The following LARP1 variants were observed in gnomAD, a reference collection of about 807,000 sequenced individuals.
LARP1 encodes la-related protein 1.
Under a neutral mutation model 122.7 loss-of-function variants are expected in LARP1, and 36 were observed. That is an observed-to-expected ratio of 0.29 (90% CI 0.22 to 0.39). LARP1 has a LOEUF of 0.39. LARP1 is among the 10% of genes least tolerant of loss of function. The pLI is 1.00. For missense variants in LARP1, 1,040 were observed against 1,403.6 expected, an observed-to-expected ratio of 0.74 and a Z score of 4.14; for synonymous variants, 539 against 528.7, an observed-to-expected ratio of 1.02 and a Z score of -0.27.
chr5:154,706,719 G>A (rs1754969013), intron 1 of LARP1, among the ~76,000 whole-genome samples: 1 of 150,166 alleles, frequency 6.7e-6, no homozygotes, highest in African/African-American at 2.4e-5. Context: ...AATAAAAGTT[G>A]GAAAGTTGGA....
At chr5:154,788,174 A>T (rs577710660) in intron 1 of LARP1, among the ~76,000 whole-genome samples, 1 of 152,324 alleles carries the variant, frequency 6.6e-6, no homozygotes, top group African/African-American at 2.4e-5. Context: ...AGATTTTGTC[A>T]GGGGACTAGA....
At chr5:154,737,558 C>T (rs1220385603) in intron 1 of LARP1, among the ~76,000 whole-genome samples, 1 of 149,312 alleles carries the variant, frequency 6.7e-6, no homozygotes, top group African/African-American at 2.5e-5. Context: ...TCTCCTGTCT[C>T]AGTCTCCCGA....
At chr5:154,753,572 T>C (rs1268584566), upstream of LARP1, among the ~76,000 whole-genome samples, 1 of 152,264 alleles carries the variant, frequency 6.6e-6, no homozygotes, top group African/African-American at 2.4e-5. Flanking sequence ...GGTAGCTCTT[T>C]TGACGTACTG....
At chr5:154,775,329 C>T (rs1300776914) in intron 1 of LARP1, among the ~76,000 whole-genome samples, 1 of 152,038 alleles carries the variant, frequency 6.6e-6, no homozygotes, top group South Asian at 2.1e-4. Context: ...AAAACAAGAA[C>T]TTCAAATACA....
At chr5:154,701,131 T>TTTTG (rs936847334) in intron 1 of LARP1, among the ~76,000 whole-genome samples, 2 of 152,072 alleles carry the variant, frequency 1.3e-5, no homozygotes, top group Non-Finnish European at 2.9e-5. Context: ...TTCTTTTGTT[T>TTTTG]TTTGTTTGTT....
chr5:154,756,445 A>AT, intron 1 of LARP1: 1 of 991,766 alleles, frequency 1.0e-6, no homozygotes, highest in South Asian at 4.2e-5. Flanking sequence ...GTTAGTGGGC[A>AT]ACGGTGTGGT....
chr5:154,795,408 A>AG, intron 8 of LARP1, 89 bp downstream of exon 8: 1 of 1,355,006 alleles, frequency 7.4e-7, no homozygotes, highest in Non-Finnish European at 1.0e-6. Context: ...GCCCTGGAAG[A>AG]GTCATCATCT....
chr5:154,784,009 G>T (rs1387420577), intron 1 of LARP1, among the ~76,000 whole-genome samples: 1 of 152,210 alleles, frequency 6.6e-6, no homozygotes, highest in Non-Finnish European at 1.5e-5. Flanking sequence ...GGTTGCCTGT[G>T]AGTCAAAGCT....
intron 1 of LARP1, among the ~76,000 whole-genome samples, chr5:154,740,408 AAAAAAG>A (rs889031077): frequency 1.3e-5 from 2 of 151,708 alleles, no homozygotes; most frequent in African/African-American, 4.9e-5. Flanking sequence ...AAAAAAAAAA[AAAAAAG>A]ATTAAATTAC....
In LARP1 at chr5:154,803,748, G is replaced by C; in HGVS notation, c.2439+3G>C. On this transcript the variant is annotated splice_donor_region_variant and intron_variant, in intron 13 of 18. Transcript: ENST00000518297. The surrounding 1 kb of genome is among the most constrained non-coding windows in gnomAD (Gnocchi z 4.4). Reference sequence around the variant, plus strand: ...AAGGACGGACACTGGATGCCAAGGTGAGGCATTCCTGTCGGGCTGCTCAGA... The same window carrying C: ...AAGGACGGACACTGGATGCCAAGGTCAGGCATTCCTGTCGGGCTGCTCAGA... 1 of 1,613,722 alleles carries C rather than the reference G, an allele frequency of 6.2e-7. No homozygotes were observed.
In LARP1 at chr5:154,799,922, AGAG is replaced by A. The variant is rs1758206260; in HGVS notation, c.1601_1603del (p.Glu534del). 6.2e-7 allele frequency: 1 copy of A among 1,614,058 alleles called. No homozygotes were observed. The highest frequency in any genetic ancestry group is 1.7e-5 in the Admixed American group (1 of 60,004). On this transcript the variant is annotated inframe_deletion, in exon 10 of 19. Transcript: ENST00000518297. ...CAGTCACCCCAGTGCCAACCAAAAC[AGAG>A]GAGGTCAGCAACCTAAAGACACTAC...
chr5:154,768,309 G>T (rs1755114742), intron 1 of LARP1, among the ~76,000 whole-genome samples: 1 of 152,190 alleles, frequency 6.6e-6, no homozygotes, highest in Non-Finnish European at 1.5e-5. Flanking sequence ...TGTGAATACT[G>T]TATCTGTTAG....
chr5:154,700,388 T>G (rs1241556478), intron 1 of LARP1, among the ~76,000 whole-genome samples: 2 of 151,924 alleles, frequency 1.3e-5, no homozygotes, highest in Non-Finnish European at 2.9e-5. Context: ...ATATTGTGGC[T>G]GGTCGCAATG....
intron 1 of LARP1, among the ~76,000 whole-genome samples, chr5:154,765,749 G>T (rs1322583227): frequency 1.3e-5 from 2 of 152,228 alleles, no homozygotes; most frequent in East Asian, 3.9e-4. Context: ...ACCTGATTAC[G>T]TTTGTATTCC....
At chr5:154,790,588 G>A (rs1416932285) in intron 2 of LARP1, 57 bp from the exon 3 acceptor site, 11 of 1,581,650 alleles carry the variant, frequency 7.0e-6, no homozygotes, top group Non-Finnish European at 9.6e-6. Context: ...TGGGTCGGGG[G>A]CTGAATAGCA....
chr5:154,718,624 C>G (rs1019407458), intron 1 of LARP1: 9 of 152,340 alleles, frequency 5.9e-5, no homozygotes, highest in Non-Finnish European at 1.3e-4. Context: ...CTCTTGGACT[C>G]AAGTGATCCT....
chr5:154,719,635 G>A lies in LARP1; in HGVS notation c.205+6505G>A, dbSNP rs367609576. 2.6e-3 allele frequency among the ~76,000 whole-genome samples: 400 copies of A among 152,262 alleles called. 1 individual carries two copies. Among genetic ancestry groups the A allele is most frequent in the African/African-American group, 9.2e-3 (383 of 41,550 alleles). On this transcript the variant is annotated intron_variant, in intron 1 of 18. Transcript: ENST00000336314. ...CCAGCACTTTGGGAGGCCGAGGTAG[G>A]TGGATCACATGAGGCCAGGAGTTTG...
intron 1 of LARP1, among the ~76,000 whole-genome samples, chr5:154,692,000 C>CA (rs1361489993): frequency 6.6e-6 from 1 of 152,140 alleles, no homozygotes; most frequent in Non-Finnish European, 1.5e-5. Flanking sequence ...ATTTGTTGGC[C>CA]AGGCTGGTCT....
intron 1 of LARP1, among the ~76,000 whole-genome samples, chr5:154,781,801 T>G (rs1756473194): frequency 1.3e-5 from 2 of 152,230 alleles, no homozygotes; most frequent in Admixed American, 1.3e-4. Context: ...TAGTGTGTTT[T>G]ACGTGTGGCC....
Sources: allele counts gnomAD v4.1 joint callset (sites outside exome capture counted in the v4.1 genomes callset), GRCh38; gene constraint gnomAD v4.1.1; non-coding constraint Gnocchi (gnomAD v3.1); transcripts MANE v1.5; gene names NCBI Gene and HGNC (gene_info 2026-07-23, HGNC 2026-07-21).